The following RASA2 variants were observed in gnomAD, a reference collection of about 807,000 sequenced individuals.
The protein encoded by RASA2 is ras GTPase-activating protein 2.
A neutral mutation model predicts 118.2 loss-of-function variants in RASA2; 155 were observed. The ratio of observed to expected loss-of-function variants is 1.31; its 90% CI spans 1.15 to 1.50. The LOEUF is 1.50. Ranked by LOEUF, RASA2 falls within the 40% of genes most tolerant of loss-of-function variation. RASA2 has a pLI of 0.00. For missense variants in RASA2, 1,016 were observed against 1,009.6 expected, an observed-to-expected ratio of 1.01 and a Z score of -0.09; for synonymous variants, 353 against 349.1, an observed-to-expected ratio of 1.01 and a Z score of -0.12.
At chr3:141,566,490 A>T (rs2082822565) in intron 9 of RASA2, among the ~76,000 whole-genome samples, 1 of 152,244 alleles carries the variant, frequency 6.6e-6, no homozygotes, top group Admixed American at 6.5e-5. Flanking sequence ...TATAAAAGAG[A>T]CTTAAGAATG....
intron 3 of RASA2, among the ~76,000 whole-genome samples, chr3:141,528,858 T>C (rs2082219433): frequency 6.6e-6 from 1 of 152,000 alleles, no homozygotes. Context: ...AAATGAAAAT[T>C]CTTACTTGAC....
chr3:141,608,715 T>G lies in RASA2; in HGVS notation c.2225+18T>G, dbSNP rs756652937. On this transcript the variant is annotated intron_variant, in intron 21 of 23. Coordinates refer to ENST00000286364, the MANE Select transcript of RASA2 (RefSeq NM_006506.5). ...TGTACTGCGTAAGTTTCTTTCTGAT[T>G]ATAAAAGCAGTGTGTCAAAATTTGA... The G allele has an allele frequency of 4.4e-6, 7 of 1,600,974 alleles. No individual in the cohort carries two copies. In the Middle Eastern group the frequency reaches 5.0e-4, roughly 114 times the overall value.
intron 19 of RASA2, among the ~76,000 whole-genome samples, chr3:141,598,897 C>A (rs1433330054): frequency 6.6e-6 from 1 of 151,950 alleles, no homozygotes; most frequent in African/African-American, 2.4e-5. Context: ...CCAGCCTGGC[C>A]AACATGCTGA....
In RASA2 at chr3:141,512,282, T is replaced by C; in HGVS notation, c.251+2T>C. On this transcript the variant is annotated splice_donor_variant, in intron 2 of 23. Coordinates refer to ENST00000286364, the MANE Select transcript of RASA2 (RefSeq NM_006506.5). LOFTEE classifies it high-confidence loss of function. Reference sequence around the variant, plus strand: ...CCAAGTTGTGGAAAAATCTTTAAGGTTGGTAGAAAAAATTGGTAAATTATA... The same window carrying C: ...CCAAGTTGTGGAAAAATCTTTAAGGCTGGTAGAAAAAATTGGTAAATTATA... 2 of 1,555,628 alleles carry C rather than the reference T, an allele frequency of 1.3e-6. No homozygotes were observed. Among genetic ancestry groups the C allele is most frequent in the East Asian group, 2.3e-5 (1 of 43,922 alleles).
rs71629506 is a variant in RASA2, at chr3:141,538,097, CA to C, written c.451-2432del. On this transcript the variant is annotated intron_variant, in intron 4 of 23. Transcript: ENST00000286364. Reference sequence around the variant, plus strand: ...GGCTCATAACTGCCCCATCAAAAAACAAAACACACACACACACACACACACA... The same window carrying C: ...GGCTCATAACTGCCCCATCAAAAAACAAACACACACACACACACACACACA... 2.2e-3 allele frequency among the ~76,000 whole-genome samples: 259 copies of C among 117,174 alleles called. 1 individual carries two copies. Among genetic ancestry groups the C allele is most frequent in the Middle Eastern group, 4.0e-3 (1 of 248 alleles). The allele number at this position is 117,174 out of a possible 152,430, so 76.9% of individuals were successfully genotyped here.
In RASA2 at chr3:141,571,548, A is replaced by C. The variant is rs773659564; in HGVS notation, c.1163A>C (p.Asp388Ala). The part of the protein sequence containing the change: ...ATAVAELDLK[D>A]TQDANTIFRG... ...GCTGTGGCTGAATTAGACTTGAAGG[A>C]TACACAGTAAGAGTTATATTTTATT... is the stretch of plus-strand genomic sequence containing the variant. The change falls in exon 11 of 24, where the codon GAT (aspartate) becomes GCT (alanine). Residue 388 changes from aspartate to alanine, a missense_variant. Transcript: ENST00000286364. The C allele has an allele frequency of 6.2e-7, 1 of 1,608,216 alleles. No homozygotes were observed. The highest frequency in any genetic ancestry group is 1.7e-5 in the Admixed American group (1 of 59,270).
chr3:141,558,418 T>C (rs1183268073), intron 7 of RASA2, among the ~76,000 whole-genome samples: 1 of 152,206 alleles, frequency 6.6e-6, no homozygotes, highest in Non-Finnish European at 1.5e-5. Flanking sequence ...TACAGTTGTA[T>C]GATCACTAAA....
chr3:141,533,023 G>A (rs1471330758), intron 4 of RASA2, among the ~76,000 whole-genome samples: 2 of 152,012 alleles, frequency 1.3e-5, no homozygotes, highest in African/African-American at 4.8e-5. Context: ...AGATGCCATT[G>A]TATTCTTTTT....
rs61750362 is a variant in RASA2, at chr3:141,608,596, A to G, written c.2124A>G (p.Gln708=). The G allele has an allele frequency of 8.7e-6, 14 of 1,613,856 alleles. No individual in the cohort carries two copies. Among genetic ancestry groups the G allele is most frequent in the South Asian group, 1.1e-5 (1 of 91,094 alleles). Residue 708 remains glutamine, a synonymous_variant, in exon 21 of 24, where the codon CAA becomes CAG. Coordinates refer to ENST00000286364, the MANE Select transcript of RASA2 (RefSeq NM_006506.5). Reference sequence around the variant, plus strand: ...TCTGCAGGGTGAGCCGATGCAATCAAAACAGGCTCAGTTTTTATCATCCCT... The same window carrying G: ...TCTGCAGGGTGAGCCGATGCAATCAGAACAGGCTCAGTTTTTATCATCCCT... ...DVLCRVSRCN[Q]NRLSFYHPSV... is the part of the protein sequence containing the mutation.
intron 5 of RASA2, among the ~76,000 whole-genome samples, chr3:141,552,288 T>C (rs1290949467): frequency 6.6e-6 from 1 of 152,188 alleles, no homozygotes; most frequent in Non-Finnish European, 1.5e-5. Flanking sequence ...TTATGTGAGA[T>C]AAATGTGGTA....
chr3:141,564,582 G>A (rs753633757), intron 9 of RASA2, among the ~76,000 whole-genome samples: 1 of 152,170 alleles, frequency 6.6e-6, no homozygotes, highest in Non-Finnish European at 1.5e-5. Context: ...TGGCAAGACT[G>A]TTGTCTTAGC....
At chr3:141,505,414 G>A (rs2081850652) in intron 1 of RASA2, among the ~76,000 whole-genome samples, 1 of 151,948 alleles carries the variant, frequency 6.6e-6, no homozygotes, top group African/African-American at 2.4e-5. Flanking sequence ...TGACTACATA[G>A]GAATTGAGGA....
Position 141,570,944 on chromosome 3 carries a change from AGTC to A in RASA2, c.897_899del (p.Ser301del), listed in dbSNP as rs1464160485. On this transcript the variant is annotated inframe_deletion, in exon 10 of 24. Coordinates refer to ENST00000286364, the MANE Select transcript of RASA2 (RefSeq NM_006506.5). ...CTACAGCCAAGAGACAATGGAAACA[AGTC>A]ATCCAAAACTGATGACCTGGGGTCT... 1 of 1,609,230 alleles carries A rather than the reference AGTC, an allele frequency of 6.2e-7. No individual in the cohort carries two copies. Among genetic ancestry groups the A allele is most frequent in the Admixed American group, 1.7e-5 (1 of 58,926 alleles).
In RASA2 at chr3:141,571,015, T is replaced by G; in HGVS notation, c.967T>G (p.Ser323Ala). 1.9e-6 allele frequency: 3 copies of G among 1,612,562 alleles called. No homozygotes were observed. The highest frequency in any genetic ancestry group is 2.5e-6 in the Non-Finnish European group (3 of 1,179,388). Residue 323 changes from serine to alanine, a missense_variant, in exon 10 of 24, where the codon TCA becomes GCA. By Grantham distance (99) the Ser-to-Ala change is moderately conservative. Around this residue, in one of 2 missense-constraint regions of RASA2, gnomAD observed 896 missense variants for 836.4 expected, o/e 1.07. Transcript: ENST00000286364. The part of the protein sequence containing the change: ...ICYTEDYVLP[S>A]EYYGPLKTLL... ...TTATACAGAAGACTACGTGCTTCCT[T>G]CAGAGTACTATGGTCCTTTGAAAAC...
At chr3:141,586,803 G>A in intron 19 of RASA2, 51 bp downstream of exon 19, 1 of 1,444,008 alleles carries the variant, frequency 6.9e-7, no homozygotes, top group Non-Finnish European at 9.7e-7. Context: ...CTCAGTGAAG[G>A]TTTCTTTGCC....
intron 4 of RASA2, among the ~76,000 whole-genome samples, chr3:141,532,810 G>A (rs901520722): frequency 6.6e-6 from 1 of 151,972 alleles, no homozygotes; most frequent in Non-Finnish European, 1.5e-5. Flanking sequence ...TACTGCAAGT[G>A]GCACATGGAA....
intron 5 of RASA2, among the ~76,000 whole-genome samples, chr3:141,552,732 G>T (rs992395061): frequency 5.9e-5 from 9 of 151,998 alleles, no homozygotes; most frequent in Admixed American, 5.2e-4. Context: ...AGCTATAATA[G>T]AAATGAGTCG....
chr3:141,609,757 C>T (rs572161123), intron 22 of RASA2, 120 bp from the exon 23 acceptor site: 26 of 949,940 alleles, frequency 2.7e-5, no homozygotes, highest in South Asian at 6.7e-5. Context: ...TTAGTTATCT[C>T]GGCTCTGCCA....
intron 9 of RASA2, 128 bp from the exon 10 acceptor site, chr3:141,570,784 T>A: frequency 1.3e-6 from 1 of 783,754 alleles, no homozygotes; most frequent in South Asian, 1.9e-5. Context: ...CTGCTACTTA[T>A]GAAGCTTCCT....
Sources: allele counts gnomAD v4.1 joint callset (sites outside exome capture counted in the v4.1 genomes callset), GRCh38; gene constraint gnomAD v4.1.1; regional missense constraint gnomAD v4.1.1; transcripts MANE v1.5; gene names NCBI Gene and HGNC (gene_info 2026-07-23, HGNC 2026-07-21).